Variants in LHFPL2 observed in about 807,000 individuals in gnomAD.
LHFPL2 encodes LHFPL tetraspan subfamily member 2 protein.
LHFPL2 carries 7 observed loss-of-function variants against 17.5 expected under a neutral mutation model. The observed-to-expected ratio is 0.40, with a 90% CI of 0.23 to 0.75. The LOEUF (loss-of-function observed/expected upper bound fraction) is 0.75, where lower values mean the gene tolerates loss of function less well. Ranked by LOEUF, LHFPL2 falls within the 30% of genes least tolerant of loss-of-function variation. The pLI is 0.37. For missense variants in LHFPL2, 241 were observed against 294.8 expected (o/e 0.82, Z 1.34); for synonymous variants, 134 against 116.2 (o/e 1.15, Z -0.99).
At chr5:78,636,906 T>C (rs974762881) in intron 1 of LHFPL2, among the ~76,000 whole-genome samples, 2 of 151,644 alleles carry the variant, frequency 1.3e-5, no homozygotes, top group African/African-American at 4.8e-5. Flanking sequence ...AAAAGTGAAG[T>C]GGATCCAATG....
intron 2 of LHFPL2, among the ~76,000 whole-genome samples, chr5:78,578,219 A>C (rs773791764): frequency 1.2e-4 from 18 of 152,246 alleles, no homozygotes; most frequent in Non-Finnish European, 1.9e-4. Flanking sequence ...ATGTAAAGAT[A>C]GGAAATGCCA....
At chr5:78,583,668 G>T (rs1447374218) in intron 2 of LHFPL2, among the ~76,000 whole-genome samples, 1 of 152,112 alleles carries the variant, frequency 6.6e-6, no homozygotes, top group African/African-American at 2.4e-5. Context: ...AGTCTGATGG[G>T]CTTCCCTTTG....
intron 1 of LHFPL2, among the ~76,000 whole-genome samples, chr5:78,642,351 C>T (rs1745699074): frequency 6.6e-6 from 1 of 152,172 alleles, no homozygotes; most frequent in Admixed American, 6.5e-5. Flanking sequence ...GTTACACATC[C>T]TAGCTATCAA....
At chr5:78,520,863 C>G (rs1755436938) in intron 3 of LHFPL2, among the ~76,000 whole-genome samples, 1 of 152,172 alleles carries the variant, frequency 6.6e-6, no homozygotes, top group Non-Finnish European at 1.5e-5. Context: ...ATGGACCCTG[C>G]CATTAAAGGA....
At chr5:78,638,972 A>G (rs886246972) in intron 1 of LHFPL2, among the ~76,000 whole-genome samples, 16 of 152,214 alleles carry the variant, frequency 1.1e-4, no homozygotes, top group African/African-American at 3.6e-4. Flanking sequence ...AGTTTTTAAA[A>G]TTTTTTAAAA....
intron 2 of LHFPL2, among the ~76,000 whole-genome samples, chr5:78,578,724 C>A (rs1318497148): frequency 6.6e-6 from 1 of 152,166 alleles, no homozygotes; most frequent in Non-Finnish European, 1.5e-5. Flanking sequence ...AATGACTTGA[C>A]TTTGCTGTCA....
chr5:78,510,962 TAA>T (rs1335467573), intron 3 of LHFPL2, among the ~76,000 whole-genome samples: 2 of 150,818 alleles, frequency 1.3e-5, no homozygotes, highest in Non-Finnish European at 3.0e-5. Context: ...AGCAGAGACA[TAA>T]GTGTGTTTGC....
intron 3 of LHFPL2, among the ~76,000 whole-genome samples, chr5:78,546,662 T>C (rs762368103): frequency 6.6e-6 from 1 of 152,238 alleles, no homozygotes; most frequent in Non-Finnish European, 1.5e-5. Context: ...CCTGCACATA[T>C]GACTAGAACT....
chr5:78,596,020 T>G (rs990362833), intron 2 of LHFPL2, among the ~76,000 whole-genome samples: 1 of 152,236 alleles, frequency 6.6e-6, no homozygotes, highest in Non-Finnish European at 1.5e-5. Flanking sequence ...AATTTGTTCT[T>G]GATTCTATGA....
intron 3 of LHFPL2, among the ~76,000 whole-genome samples, chr5:78,562,771 TA>T (rs35579328): frequency 1.3e-5 from 2 of 151,804 alleles, no homozygotes; most frequent in African/African-American, 2.4e-5. Context: ...TTCACAACTT[TA>T]AAAAAAAGAC....
intron 4 of LHFPL2, among the ~76,000 whole-genome samples, chr5:78,499,036 T>C: frequency 6.6e-6 from 1 of 152,218 alleles, no homozygotes; most frequent in Admixed American, 6.5e-5. Flanking sequence ...TGCAGTCCTC[T>C]ACACATAATG....
intron 1 of LHFPL2, among the ~76,000 whole-genome samples, chr5:78,643,846 A>G (rs1252912268): frequency 2.0e-5 from 3 of 152,178 alleles, no homozygotes; most frequent in Middle Eastern, 3.2e-3. Flanking sequence ...AGATCCCTTG[A>G]GGTCAGGAGT....
At chr5:78,601,348 G>A (rs1744006101) in intron 2 of LHFPL2, among the ~76,000 whole-genome samples, 1 of 152,148 alleles carries the variant, frequency 6.6e-6, no homozygotes, top group Non-Finnish European at 1.5e-5. Flanking sequence ...TGAGAAGGCA[G>A]GTCCCAGAGC....
At chr5:78,548,208 C>T (rs1295648075) in intron 3 of LHFPL2, among the ~76,000 whole-genome samples, 2 of 152,182 alleles carry the variant, frequency 1.3e-5, no homozygotes, top group East Asian at 1.9e-4. Context: ...CTGGATGTGG[C>T]GATGCAGAGG....
At chr5:78,499,769 C>A (rs906572304) in intron 4 of LHFPL2, among the ~76,000 whole-genome samples, 6 of 152,146 alleles carry the variant, frequency 3.9e-5, no homozygotes, top group African/African-American at 1.4e-4. Flanking sequence ...ACTTGCTAAT[C>A]CTATTGCAAA....
chr5:78,645,218 A>G (rs138918120), intron 1 of LHFPL2, among the ~76,000 whole-genome samples: 226 of 151,688 alleles, frequency 1.5e-3, no homozygotes, highest in African/African-American at 4.7e-3. Context: ...TCCAGGGTCT[A>G]TGGAAGTCCT....
At chr5:78,571,386 G>A (rs529056649) in intron 2 of LHFPL2, among the ~76,000 whole-genome samples, 16 of 152,224 alleles carry the variant, frequency 1.1e-4, no homozygotes, top group African/African-American at 3.6e-4. Flanking sequence ...CTTCCACGCA[G>A]CCTTCTCTGA....
intron 3 of LHFPL2, among the ~76,000 whole-genome samples, chr5:78,542,227 C>T (rs910897709): frequency 6.6e-6 from 1 of 152,122 alleles, no homozygotes; most frequent in Non-Finnish European, 1.5e-5. Context: ...CTCACATCAC[C>T]CCAGGGCTGG....
chr5:78,623,331 A>C (rs952274617), intron 2 of LHFPL2, among the ~76,000 whole-genome samples: 1 of 152,212 alleles, frequency 6.6e-6, no homozygotes, highest in African/African-American at 2.4e-5. Context: ...ATTTTATAGC[A>C]AGTTGAAACC....
Sources: allele counts gnomAD v4.1 joint callset (sites outside exome capture counted in the v4.1 genomes callset), GRCh38; gene constraint gnomAD v4.1.1; transcripts MANE v1.5; gene names NCBI Gene and HGNC (gene_info 2026-07-23, HGNC 2026-07-21).